The following NCOA2 variants were observed in gnomAD, a reference collection of about 807,000 sequenced individuals.
NCOA2 encodes class E basic helix-loop-helix protein 75.
Under a neutral mutation model 145.1 loss-of-function variants are expected in NCOA2, and 21 were observed. That is an observed-to-expected ratio of 0.14 (90% CI 0.10 to 0.21). The LOEUF is 0.21. Among genes scored for constraint, NCOA2 ranks in the 10% least tolerant of loss-of-function variants. The pLI is 1.00. For synonymous variants in NCOA2, 619 were observed against 637.5 expected, an observed-to-expected ratio of 0.97 and a Z score of 0.44; for missense variants, 1,472 against 1,837.6, an observed-to-expected ratio of 0.80 and a Z score of 3.64.
intron 4 of NCOA2, among the ~76,000 whole-genome samples, chr8:70,180,347 A>C (rs1815334131): frequency 6.6e-6 from 1 of 152,162 alleles, no homozygotes; most frequent in Non-Finnish European, 1.5e-5. Context: ...GGCTGCTTGA[A>C]CAGCAATCCC....
At position 70,243,153 on chromosome 8, in the gene NCOA2, C is replaced by A. The variant is rs562620015; in HGVS notation, c.-19-26389G>T. Among the ~76,000 whole-genome samples the A allele has an allele frequency of 2.6e-5, 4 of 152,070 alleles. No homozygotes were observed. The South Asian group carries it at 8.3e-4, about 32-fold the overall frequency. On this transcript the variant is annotated intron_variant, in intron 2 of 22. Coordinates refer to ENST00000452400, the MANE Select transcript of NCOA2 (RefSeq NM_006540.4). ...TTTGCAAAGGACTGATATTTTATGTCCTAGGGGAAAAACAAAACCATCAGG... is the reference window on the plus strand; with the variant it reads ...TTTGCAAAGGACTGATATTTTATGTACTAGGGGAAAAACAAAACCATCAGG...
Position 70,135,017 on chromosome 8 carries a change from C to A in NCOA2, c.3159-3015G>T, listed in dbSNP as rs570140505. Among the ~76,000 whole-genome samples, 168 of 152,222 alleles carry A rather than the reference C, an allele frequency of 1.1e-3. 1 individual carries two copies. The highest frequency in any genetic ancestry group is 2.0e-3 in the Non-Finnish European group (133 of 68,010). On this transcript the variant is annotated intron_variant, in intron 15 of 22. Coordinates refer to ENST00000452400, the MANE Select transcript of NCOA2 (RefSeq NM_006540.4). ...ATTCTTATGTGGTTCTTCAGCTCTC[C>A]CAGGAAAACGCCCCTGGAATAGGGT...
chr8:70,449,047 C>A, the NCOA2 span, among the ~76,000 whole-genome samples: 4 of 152,116 alleles, frequency 2.6e-5, no homozygotes, highest in South Asian at 8.3e-4. Flanking sequence ...CTTAAGCAAT[C>A]CTCCCACCTC....
At chr8:70,179,097 A>T (rs1173793280) in intron 4 of NCOA2, among the ~76,000 whole-genome samples, 1 of 152,212 alleles carries the variant, frequency 6.6e-6, no homozygotes, top group Admixed American at 6.5e-5. Flanking sequence ...AGAAATTTTT[A>T]TTCCTCATTA....
At chr8:70,314,547 G>A (rs1293696804) in intron 1 of NCOA2, among the ~76,000 whole-genome samples, 1 of 152,128 alleles carries the variant, frequency 6.6e-6, no homozygotes, top group Non-Finnish European at 1.5e-5. Context: ...TTTACACTCT[G>A]CAGATTGTTA....
intron 1 of NCOA2, among the ~76,000 whole-genome samples, chr8:70,300,039 C>T (rs1046773103): frequency 3.3e-5 from 5 of 152,128 alleles, no homozygotes; most frequent in African/African-American, 1.2e-4. Context: ...ACAACACACA[C>T]TGTATTGTAT....
At chr8:70,315,591 T>C (rs1338186843) in intron 1 of NCOA2, among the ~76,000 whole-genome samples, 2 of 152,084 alleles carry the variant, frequency 1.3e-5, no homozygotes, top group Non-Finnish European at 2.9e-5. Flanking sequence ...AATACAGAAG[T>C]ATCTCTTGCT....
chr8:70,165,270 A>G (rs1404099675), intron 7 of NCOA2, among the ~76,000 whole-genome samples: 5 of 152,234 alleles, frequency 3.3e-5, no homozygotes, highest in African/African-American at 4.8e-5. Flanking sequence ...TTTCCTTCTC[A>G]ATAAAATTTA....
intron 4 of NCOA2, among the ~76,000 whole-genome samples, chr8:70,204,719 C>T (rs1316661178): frequency 6.6e-6 from 1 of 151,990 alleles, no homozygotes; most frequent in African/African-American, 2.4e-5. Flanking sequence ...TGGCTGGGTG[C>T]GGTGGCTCAC....
At chr8:70,252,317 G>A (rs1823257772) in intron 2 of NCOA2, among the ~76,000 whole-genome samples, 1 of 152,336 alleles carries the variant, frequency 6.6e-6, no homozygotes, top group South Asian at 2.1e-4. Context: ...GCTAACGCCT[G>A]TAATCCCAGC....
chr8:70,164,372 C>T (rs1366152326), intron 7 of NCOA2, among the ~76,000 whole-genome samples: 1 of 152,340 alleles, frequency 6.6e-6, no homozygotes, highest in East Asian at 1.9e-4. Context: ...TGTCAAAAAA[C>T]TTAAGTAATC....
At chr8:70,216,869 T>C in intron 2 of NCOA2, 105 bp from the exon 3 acceptor site, 1 of 680,728 alleles carries the variant, frequency 1.5e-6, no homozygotes, top group South Asian at 1.6e-5. Context: ...CAATCAGAAA[T>C]TTGAGACCAG....
intron 10 of NCOA2, among the ~76,000 whole-genome samples, chr8:70,157,873 C>T (rs1056342889): frequency 3.3e-5 from 5 of 152,208 alleles, no homozygotes; most frequent in Non-Finnish European, 7.3e-5. Flanking sequence ...TCAGAGCCAA[C>T]AGCATGGGAA....
At chr8:70,251,219 T>G (rs1478759172) in intron 2 of NCOA2, among the ~76,000 whole-genome samples, 4 of 152,212 alleles carry the variant, frequency 2.6e-5, no homozygotes, top group African/African-American at 9.6e-5. Flanking sequence ...TAGCAGGGAC[T>G]GCTATTTTGT....
chr8:70,191,300 A>G (rs963001116), intron 4 of NCOA2, among the ~76,000 whole-genome samples: 16 of 152,260 alleles, frequency 1.1e-4, no homozygotes, highest in African/African-American at 2.4e-5. Context: ...ACTTCTATCA[A>G]TTTGAAGCCA....
chr8:70,300,401 G>A (rs1397961155), intron 1 of NCOA2, among the ~76,000 whole-genome samples: 2 of 152,196 alleles, frequency 1.3e-5, no homozygotes, highest in Non-Finnish European at 2.9e-5. Context: ...TCTTTCTTGT[G>A]TGATAGCTAC....
chr8:70,287,213 C>T (rs7001914), intron 2 of NCOA2, among the ~76,000 whole-genome samples: 2,269 of 152,106 alleles, frequency 0.015, 59 homozygotes, highest in African/African-American at 0.053. Flanking sequence ...CACTGCACTT[C>T]GGCCTGGGTG....
chr8:70,162,606 C>A (rs904567766), intron 9 of NCOA2, 105 bp downstream of exon 9: 4 of 1,217,392 alleles, frequency 3.3e-6, no homozygotes, highest in Non-Finnish European at 4.5e-6. Context: ...AGACAGCTCA[C>A]GAGAACAGTC....
intron 3 of NCOA2, 137 bp downstream of exon 3, chr8:70,216,523 A>C: frequency 1.5e-6 from 1 of 685,340 alleles, no homozygotes; most frequent in Non-Finnish European, 2.6e-6. Context: ...GCAAGTACAT[A>C]TTCAGAGATT....
Sources: gnomAD v4.1 joint callset for allele counts (sites outside exome capture counted in the v4.1 genomes callset) on GRCh38, gnomAD v4.1.1 for gene constraint, MANE v1.5 for transcripts, NCBI Gene and HGNC (gene_info 2026-07-23, HGNC 2026-07-21) for gene names.